The following QDPR variants were observed in gnomAD, a reference collection of about 807,000 sequenced individuals.
The protein encoded by QDPR is quinoid dihydropteridine reductase, also known as dihydropteridine reductase.
In QDPR, 23 loss-of-function variants were observed where a neutral mutation model predicts 31.7. The ratio of observed to expected loss-of-function variants is 0.73; its 90% CI spans 0.52 to 1.03. The LOEUF is 1.03. QDPR is among the 50% of genes least tolerant of loss of function. The pLI, the probability that QDPR is intolerant of heterozygous loss-of-function variation, is 0.00. For synonymous variants in QDPR, 124 were observed against 124.7 expected, an observed-to-expected ratio of 0.99 and a Z score of 0.03; for missense variants, 324 against 323.8, an observed-to-expected ratio of 1.00 and a Z score of 0.00.
intron 4 of QDPR, among the ~76,000 whole-genome samples, chr4:17,500,880 C>T (rs975399964): frequency 7.2e-5 from 11 of 152,128 alleles, no homozygotes; most frequent in African/African-American, 2.7e-4. Context: ...TTTTAGTTTC[C>T]TAACCTGTAA....
intron 4 of QDPR, 82 bp from the exon 5 acceptor site, chr4:17,492,422 C>T (rs1718200776): frequency 8.8e-7 from 1 of 1,136,282 alleles, no homozygotes; most frequent in Non-Finnish European, 1.3e-6. Flanking sequence ...CTTGAGATCT[C>T]TATTCCCTAA....
At chr4:17,492,717 C>T (rs2108987958) in intron 4 of QDPR, among the ~76,000 whole-genome samples, 1 of 152,282 alleles carries the variant, frequency 6.6e-6, no homozygotes, top group East Asian at 1.9e-4. Context: ...ACTTACTATT[C>T]ATCTAACACT....
At position 17,487,100 on chromosome 4, in the gene QDPR, G is replaced by C; in HGVS notation, c.*31C>G. 1 of 1,563,992 alleles carries C rather than the reference G, an allele frequency of 6.4e-7. No homozygotes were observed. Among genetic ancestry groups the C allele is most frequent in the Non-Finnish European group, 8.8e-7 (1 of 1,135,034 alleles). ...ACTGAGACAGGTTAGTGACTTTTCT[G>C]GCAGGCCCCTCATAGGCACTGAGAT... On this transcript the variant is annotated 3_prime_UTR_variant, in exon 7 of 7. Coordinates refer to ENST00000281243, the MANE Select transcript of QDPR (RefSeq NM_000320.3).
intron 4 of QDPR, 21 bp downstream of exon 4, chr4:17,501,698 G>C (rs201139436): frequency 1.9e-6 from 3 of 1,613,086 alleles, no homozygotes; most frequent in Non-Finnish European, 2.5e-6. Context: ...CCACTCCACA[G>C]ATAGGGAAAT....
chr4:17,497,270 A>C (rs1718396424), intron 4 of QDPR, among the ~76,000 whole-genome samples: 1 of 152,104 alleles, frequency 6.6e-6, no homozygotes, highest in Non-Finnish European at 1.5e-5. Context: ...TAGTTTTCCA[A>C]TTTAAAAACT....
chr4:17,502,004 G>A, intron 3 of QDPR, 145 bp from the exon 4 acceptor site: 1 of 950,586 alleles, frequency 1.1e-6, no homozygotes, highest in Non-Finnish European at 1.6e-6. Flanking sequence ...AAACAGCACA[G>A]GGCTCAGTGG....
chr4:17,505,525 G>T (rs1473710113), intron 2 of QDPR, among the ~76,000 whole-genome samples: 1 of 152,156 alleles, frequency 6.6e-6, no homozygotes, highest in Non-Finnish European at 1.5e-5. Context: ...GGGACAACAG[G>T]ACTGAGCTAC....
At chr4:17,498,273 A>G (rs1718436515) in intron 4 of QDPR, among the ~76,000 whole-genome samples, 1 of 152,206 alleles carries the variant, frequency 6.6e-6, no homozygotes, top group Non-Finnish European at 1.5e-5. Context: ...TGCTTCAACA[A>G]CTACCTCAAA....
chr4:17,490,436 C>T, intron 6 of QDPR: 1 of 528,850 alleles, frequency 1.9e-6, no homozygotes, highest in Non-Finnish European at 3.5e-6. Context: ...AGGGAGCGAG[C>T]CAGGATTCAT....
Position 17,486,578 on chromosome 4 carries a change from A to C in QDPR, c.*553T>G, listed in dbSNP as rs1717962875. The C allele has an allele frequency of 6.3e-6, 1 of 159,812 alleles. No homozygotes were observed. The highest frequency in any genetic ancestry group is 5.8e-5 in the Admixed American group (1 of 17,144). 9.9% of individuals were successfully genotyped at this position (159,812 alleles called of 1,614,324 possible). ...ATTAGGAACAACATTCTGAATACTC[A>C]CGAGTAGTTATCTTGCACACTTAAC... On this transcript the variant is annotated 3_prime_UTR_variant, in exon 7 of 7. Transcript: ENST00000281243.
chr4:17,501,516 C>T (rs911975475), intron 4 of QDPR, among the ~76,000 whole-genome samples: 2 of 152,052 alleles, frequency 1.3e-5, no homozygotes, highest in African/African-American at 4.8e-5. Context: ...CTTACCACCA[C>T]CATAAACATA....
chr4:17,512,056 C>G lies in QDPR; in HGVS notation c.-2G>C. On this transcript the variant is annotated 5_prime_UTR_variant, in exon 1 of 7. Transcript: ENST00000281243. ...GCCTGCAGCCGCCGCCGCCGCCATCCTGCTCCTGCCAGCCCGGCTCCCGCA... is the reference window on the plus strand; with the variant it reads ...GCCTGCAGCCGCCGCCGCCGCCATCGTGCTCCTGCCAGCCCGGCTCCCGCA... 4 of 1,595,614 alleles carry G rather than the reference C, an allele frequency of 2.5e-6. No individual in the cohort carries two copies. In the African/African-American group the frequency reaches 4.1e-5, roughly 16 times the overall value.
intron 4 of QDPR, among the ~76,000 whole-genome samples, chr4:17,498,245 A>G (rs1718435418): frequency 3.3e-5 from 5 of 152,326 alleles, no homozygotes; most frequent in Admixed American, 3.3e-4. Context: ...AGCCCAGCCA[A>G]GGGACCAATC....
intron 1 of QDPR, among the ~76,000 whole-genome samples, chr4:17,511,258 T>C (rs1353254817): frequency 6.6e-6 from 1 of 152,156 alleles, no homozygotes; most frequent in Non-Finnish European, 1.5e-5. Flanking sequence ...GTATCAGCTC[T>C]GCTCCGACTT....
chr4:17,501,978 C>T, intron 3 of QDPR, 119 bp from the exon 4 acceptor site: 1 of 1,246,508 alleles, frequency 8.0e-7, no homozygotes, highest in Non-Finnish European at 1.1e-6. Flanking sequence ...TCCCTATCTA[C>T]AGCAAGGTCT....
chr4:17,498,732 T>C (rs1352543184), intron 4 of QDPR, among the ~76,000 whole-genome samples: 1 of 152,184 alleles, frequency 6.6e-6, no homozygotes, highest in African/African-American at 2.4e-5. Context: ...TTTAATACTG[T>C]TTGTCCTACA....
intron 6 of QDPR, 50 bp from the exon 7 acceptor site, chr4:17,487,286 G>A (rs748977686): frequency 2.1e-6 from 3 of 1,450,538 alleles, no homozygotes; most frequent in East Asian, 2.3e-5. Context: ...CAAAAATCTG[G>A]GCACATGCTG....
rs150854986 is a variant in QDPR at position 17,504,057 on chromosome 4, T to A, written c.295+322A>T. 1.6e-3 allele frequency among the ~76,000 whole-genome samples: 238 copies of A among 152,274 alleles called. 1 individual carries two copies. Among genetic ancestry groups the A allele is most frequent in the African/African-American group, 5.3e-3 (221 of 41,556 alleles). On this transcript the variant is annotated intron_variant, in intron 3 of 6. Transcript: ENST00000281243. Reference sequence around the variant, plus strand: ...AATCTCAAGTTTGACTTCTTCTGACTTTCTAAATGATCTCTGCACTTCCTA... The same window carrying A: ...AATCTCAAGTTTGACTTCTTCTGACATTCTAAATGATCTCTGCACTTCCTA...
chr4:17,505,467 G>A (rs1017997967), intron 2 of QDPR, among the ~76,000 whole-genome samples: 9 of 152,058 alleles, frequency 5.9e-5, no homozygotes, highest in Admixed American at 1.3e-4. Flanking sequence ...GGCTTGTCTC[G>A]AACTCCTGAC....
Sources: gnomAD v4.1 joint callset for allele counts (sites outside exome capture counted in the v4.1 genomes callset) on GRCh38, gnomAD v4.1.1 for gene constraint, MANE v1.5 for transcripts, NCBI Gene and HGNC (gene_info 2026-07-23, HGNC 2026-07-21) for gene names.